ANKFN1: variants seen among roughly 807,000 people sequenced by gnomAD.
ANKFN1 encodes ankyrin repeat and fibronectin type-III domain-containing protein 1.
A neutral mutation model predicts 108.7 loss-of-function variants in ANKFN1; 74 were observed. The observed-to-expected ratio is 0.68, with a 90% confidence interval of 0.56 to 0.83. The LOEUF is 0.83. Ranked by LOEUF, ANKFN1 falls within the 40% of genes least tolerant of loss-of-function variation. The pLI, the probability that ANKFN1 is intolerant of heterozygous loss-of-function variation, is 0.00. For missense variants in ANKFN1, 1,505 were observed against 1,382.3 expected, an observed-to-expected ratio of 1.09 and a Z score of -1.41; for synonymous variants, 547 against 516.2, an observed-to-expected ratio of 1.06 and a Z score of -0.81.
chr17:56,255,933 G>A (rs1482633442), intron 3 of ANKFN1, among the ~76,000 whole-genome samples: 2 of 152,142 alleles, frequency 1.3e-5, no homozygotes, highest in Admixed American at 6.5e-5. Flanking sequence ...CAGCACTTTG[G>A]GAGGCCAAGG....
At chr17:56,071,955 G>A (rs771872455) in intron 4 of ANKFN1, among the ~76,000 whole-genome samples, 103 of 152,206 alleles carry the variant, frequency 6.8e-4, no homozygotes, top group Non-Finnish European at 1.9e-4. Flanking sequence ...TGGGCCCTCC[G>A]GGCACAGCAA....
chr17:56,296,830 T>G (rs757711500), intron 3 of ANKFN1, among the ~76,000 whole-genome samples: 19 of 152,192 alleles, frequency 1.2e-4, no homozygotes, highest in Non-Finnish European at 2.2e-4. Flanking sequence ...ACATTGGTAA[T>G]ATGGGAAAAG....
At chr17:56,311,095 T>A (rs2045009879) in intron 3 of ANKFN1, among the ~76,000 whole-genome samples, 1 of 152,020 alleles carries the variant, frequency 6.6e-6, no homozygotes, top group Non-Finnish European at 1.5e-5. Context: ...TTGTCACAAA[T>A]AATAGAACTT....
intron 5 of ANKFN1, among the ~76,000 whole-genome samples, 181 bp from the exon 6 acceptor site, chr17:56,353,655 A>G (rs1455921491): frequency 6.6e-6 from 1 of 152,216 alleles, no homozygotes; most frequent in Non-Finnish European, 1.5e-5. Context: ...AATGTCCATT[A>G]GAAATGACGG....
intron 4 of ANKFN1, among the ~76,000 whole-genome samples, chr17:56,135,378 C>T (rs911054027): frequency 3.9e-5 from 6 of 152,052 alleles, no homozygotes; most frequent in East Asian, 3.9e-4. Context: ...ATATGAGATT[C>T]GGAATTCAAA....
intron 3 of ANKFN1, among the ~76,000 whole-genome samples, chr17:56,319,509 C>T (rs2045303897): frequency 6.6e-6 from 1 of 152,168 alleles, no homozygotes; most frequent in Non-Finnish European, 1.5e-5. Flanking sequence ...AGAGGGATCC[C>T]AACATCTCTG....
rs987851961 is a variant in ANKFN1, at chr17:56,442,887, A to T, written c.1053A>T (p.Gly351=). The change falls in exon 10 of 21, where the codon GGA becomes GGT. Residue 351 remains glycine, a synonymous_variant. Transcript: ENST00000682825. ...AAGTCTCGGCTTACAATATGAAAGGATGGGGACCTGCTCAGACCACGACAC... is the reference window on the plus strand; with the variant it reads ...AAGTCTCGGCTTACAATATGAAAGGTTGGGGACCTGCTCAGACCACGACAC... The part of the protein sequence containing the change: ...FVQVSAYNMK[G]WGPAQTTTPA... The T allele has an allele frequency of 5.6e-6, 9 of 1,613,700 alleles. No individual in the cohort carries two copies. Among genetic ancestry groups the T allele is most frequent in the South Asian group, 3.3e-5 (3 of 91,072 alleles).
At chr17:56,199,612 A>G (rs918442998) in intron 1 of ANKFN1, among the ~76,000 whole-genome samples, 38 of 152,186 alleles carry the variant, frequency 2.5e-4, no homozygotes, top group African/African-American at 8.7e-4. Flanking sequence ...GCATTCCAGC[A>G]TCTCTCTGTG....
chr17:56,182,276 G>A (rs1056876695), intron 1 of ANKFN1, among the ~76,000 whole-genome samples: 2 of 152,202 alleles, frequency 1.3e-5, no homozygotes, highest in African/African-American at 2.4e-5. Flanking sequence ...AAAGCCAAGA[G>A]AGGCCAAAAG....
At chr17:56,365,804 A>C (rs1160543657) in intron 6 of ANKFN1, among the ~76,000 whole-genome samples, 1 of 152,242 alleles carries the variant, frequency 6.6e-6, no homozygotes, top group Non-Finnish European at 1.5e-5. Flanking sequence ...CCAGTCATAT[A>C]AAAGTATGGC....
At chr17:56,462,620 T>A (rs1278050589) in intron 14 of ANKFN1, among the ~76,000 whole-genome samples, 1 of 152,028 alleles carries the variant, frequency 6.6e-6, no homozygotes, top group African/African-American at 2.4e-5. Context: ...AAAATAACAA[T>A]GTTCTGAGGA....
chr17:56,175,199 T>C (rs1159483333), intron 1 of ANKFN1, among the ~76,000 whole-genome samples: 1 of 152,232 alleles, frequency 6.6e-6, no homozygotes, highest in East Asian at 1.9e-4. Context: ...AGGACCTACT[T>C]CATATTGTCA....
chr17:56,055,899 C>T (rs1904868486), intron 4 of ANKFN1, among the ~76,000 whole-genome samples: 1 of 151,724 alleles, frequency 6.6e-6, no homozygotes, highest in Non-Finnish European at 1.5e-5. Flanking sequence ...AGCTTTTAGA[C>T]TTTTTAATAA....
At chr17:56,212,330 G>A (rs553728160) in intron 1 of ANKFN1, among the ~76,000 whole-genome samples, 6 of 152,042 alleles carry the variant, frequency 3.9e-5, no homozygotes, top group Admixed American at 3.9e-4. Context: ...TGTTTGTGTG[G>A]TGTATCACAT....
intron 2 of ANKFN1, among the ~76,000 whole-genome samples, chr17:56,219,668 G>A (rs1310967772): frequency 6.6e-6 from 1 of 152,200 alleles, no homozygotes; most frequent in African/African-American, 2.4e-5. Flanking sequence ...CTGAAGATAA[G>A]GGTTTATGCT....
At chr17:56,459,579 A>G (rs1013193056) in intron 14 of ANKFN1, among the ~76,000 whole-genome samples, 24 of 152,282 alleles carry the variant, frequency 1.6e-4, no homozygotes, top group Admixed American at 3.3e-4. Flanking sequence ...GGATAAATAC[A>G]TTCCTAAGAG....
intron 3 of ANKFN1, among the ~76,000 whole-genome samples, chr17:56,300,053 C>G (rs548608896): frequency 1.3e-5 from 2 of 152,350 alleles, no homozygotes; most frequent in African/African-American, 4.8e-5. Context: ...CTTGAGAAAT[C>G]TGCCACCAGT....
intron 4 of ANKFN1, among the ~76,000 whole-genome samples, chr17:56,129,479 C>G (rs1389178153): frequency 7.6e-6 from 1 of 131,922 alleles, no homozygotes; most frequent in Non-Finnish European, 1.7e-5. Flanking sequence ...TCTTAGCAAA[C>G]CACTCCATAA....
At chr17:56,152,700 C>T (rs1327111240), upstream of ANKFN1, among the ~76,000 whole-genome samples, 1 of 152,162 alleles carries the variant, frequency 6.6e-6, no homozygotes, top group African/African-American at 2.4e-5. Flanking sequence ...TACACTGTGC[C>T]AGGCACTAGG....
Sources: gnomAD v4.1 joint callset for allele counts (sites outside exome capture counted in the v4.1 genomes callset) on GRCh38, gnomAD v4.1.1 for gene constraint, MANE v1.5 for transcripts, NCBI Gene and HGNC (gene_info 2026-07-23, HGNC 2026-07-21) for gene names.